Variants in RIN2 observed in about 807,000 individuals in gnomAD.
RIN2 encodes RAB5 interacting protein 2.
Under a neutral mutation model 78.0 loss-of-function variants are expected in RIN2, and 36 were observed. The ratio of observed to expected loss-of-function variants is 0.46; its 90% CI spans 0.35 to 0.61. The LOEUF is 0.61. Among genes scored for constraint, RIN2 ranks in the 20% least tolerant of loss-of-function variants. The probability of loss-of-function intolerance (pLI) is 0.00; values close to 1 mark genes in which losing one functional copy is unlikely to be tolerated. For synonymous variants in RIN2, 466 were observed against 466.8 expected, an observed-to-expected ratio of 1.00 and a Z score of 0.02; for missense variants, 1,087 against 1,159.7, an observed-to-expected ratio of 0.94 and a Z score of 0.91.
rs138601600 is a variant in RIN2, at chr20:19,899,925, C to A, written c.57+10267C>A. 8.5e-5 allele frequency among the ~76,000 whole-genome samples: 13 copies of A among 152,192 alleles called. 1 individual carries two copies. The East Asian group carries it at 2.5e-3, about 29-fold the overall frequency. Reference sequence around the variant, plus strand: ...CTTACACTGGGAACATCTTAGGGAGCGCAACATAGAAAAACAGCTCAGTCA... The same window carrying A: ...CTTACACTGGGAACATCTTAGGGAGAGCAACATAGAAAAACAGCTCAGTCA... On this transcript the variant is annotated intron_variant, in intron 3 of 12. Transcript: ENST00000255006.
chr20:19,913,502 G>T (rs2039560473), intron 3 of RIN2, among the ~76,000 whole-genome samples: 1 of 152,090 alleles, frequency 6.6e-6, no homozygotes, highest in Non-Finnish European at 1.5e-5. Context: ...CATTCATATT[G>T]TTGTGCAACC....
At chr20:19,983,103 A>G (rs2042511990) in intron 9 of RIN2, among the ~76,000 whole-genome samples, 2 of 152,182 alleles carry the variant, frequency 1.3e-5, no homozygotes, top group African/African-American at 4.8e-5. Flanking sequence ...GGGATTATGC[A>G]CCCATTTTAG....
chr20:19,796,130 A>G (rs1261608376), intron 1 of RIN2, among the ~76,000 whole-genome samples: 1 of 152,206 alleles, frequency 6.6e-6, no homozygotes, highest in African/African-American at 2.4e-5. Flanking sequence ...GCAAAGTGTA[A>G]CACACACAGG....
intron 4 of RIN2, chr20:19,935,522 A>T: frequency 9.2e-7 from 1 of 1,082,316 alleles, no homozygotes; most frequent in Non-Finnish European, 1.1e-6. Context: ...CAGCGTGTGC[A>T]AAGTAGAATT....
intron 9 of RIN2, among the ~76,000 whole-genome samples, chr20:19,976,070 T>C (rs2042270847): frequency 6.6e-6 from 1 of 152,208 alleles, no homozygotes; most frequent in Non-Finnish European, 1.5e-5. Flanking sequence ...TGGTAACGTG[T>C]GTGTGTTACA....
At chr20:19,869,164 C>T (rs897268162) in intron 2 of RIN2, among the ~76,000 whole-genome samples, 3 of 151,150 alleles carry the variant, frequency 2.0e-5, no homozygotes, top group Non-Finnish European at 4.4e-5. Flanking sequence ...CAGAAACACG[C>T]AGGGTGGATG....
At chr20:19,944,063 A>T (rs2040990596) in intron 4 of RIN2, among the ~76,000 whole-genome samples, 1 of 144,050 alleles carries the variant, frequency 6.9e-6, no homozygotes, top group Non-Finnish European at 1.5e-5. Context: ...TTATGTCTGA[A>T]GGTGTTAAGA....
In RIN2 at chr20:19,874,461, CA is replaced by C. The variant is rs200378862; in HGVS notation, c.-36-15102del. ...TGAAGTACAACAATTGATTGTGGCT[CA>C]AAGAAAGACAGTGAAAGGTGGAGCT... is the stretch of plus-strand genomic sequence containing the variant. On this transcript the variant is annotated intron_variant, in intron 2 of 12. Coordinates refer to ENST00000255006, the MANE Select transcript of RIN2 (RefSeq NM_018993.4). Among the ~76,000 whole-genome samples, 452 of 152,264 alleles carry C rather than the reference CA, an allele frequency of 3.0e-3. 11 individuals are homozygous for C. The highest frequency in any genetic ancestry group is 0.029 in the Admixed American group (438 of 15,270).
chr20:19,776,255 C>T (rs2034306300), intron 1 of RIN2, among the ~76,000 whole-genome samples: 1 of 152,190 alleles, frequency 6.6e-6, no homozygotes, highest in Non-Finnish European at 1.5e-5. Flanking sequence ...TTAACATCAA[C>T]ACAGAAACCT....
intron 1 of RIN2, among the ~76,000 whole-genome samples, chr20:19,775,317 G>T (rs138837947): frequency 6.6e-6 from 1 of 152,194 alleles, no homozygotes; most frequent in African/African-American, 2.4e-5. Context: ...CTGTGAAAAC[G>T]TGGCAGTGCA....
At chr20:19,908,744 C>T (rs1294287452) in intron 3 of RIN2, among the ~76,000 whole-genome samples, 3 of 152,132 alleles carry the variant, frequency 2.0e-5, no homozygotes, top group Admixed American at 1.3e-4. Flanking sequence ...AGTTGGCGGC[C>T]CTCCTTCCAT....
intron 1 of RIN2, among the ~76,000 whole-genome samples, chr20:19,760,846 C>T (rs1047516695): frequency 7.2e-5 from 11 of 152,140 alleles, no homozygotes; most frequent in Admixed American, 1.3e-4. Context: ...CTCCTTTCCC[C>T]AGTAAGACAC....
intron 2 of RIN2, among the ~76,000 whole-genome samples, chr20:19,867,572 T>C (rs756530618): frequency 3.3e-5 from 5 of 152,216 alleles, no homozygotes; most frequent in Non-Finnish European, 5.9e-5. Flanking sequence ...AGGCCAATCA[T>C]TTTTGTAGAG....
intron 3 of RIN2, among the ~76,000 whole-genome samples, chr20:19,914,184 T>A (rs1185066636): frequency 3.3e-5 from 5 of 152,226 alleles, no homozygotes; most frequent in African/African-American, 1.2e-4. Flanking sequence ...ACTACTGTCT[T>A]TAACCACTCA....
intron 2 of RIN2, among the ~76,000 whole-genome samples, chr20:19,803,853 T>G (rs1240664858): frequency 6.6e-6 from 1 of 152,246 alleles, no homozygotes; most frequent in East Asian, 1.9e-4. Flanking sequence ...TCCATTTGTT[T>G]GAGTCATCTC....
chr20:19,788,436 A>AC (rs2034763895), intron 1 of RIN2, among the ~76,000 whole-genome samples: 1 of 141,730 alleles, frequency 7.1e-6, no homozygotes, highest in African/African-American at 2.8e-5. Flanking sequence ...CTCTGCCAAA[A>AC]AAAAAAAAAA....
chr20:19,938,987 C>T (rs1391331288), intron 4 of RIN2, among the ~76,000 whole-genome samples: 1 of 152,154 alleles, frequency 6.6e-6, no homozygotes, highest in Admixed American at 6.5e-5. Flanking sequence ...ATCAATGGTG[C>T]CTCTATTCCT....
At chr20:19,874,490 C>A (rs896062307) in intron 2 of RIN2, among the ~76,000 whole-genome samples, 1 of 152,202 alleles carries the variant, frequency 6.6e-6, no homozygotes, top group Non-Finnish European at 1.5e-5. Flanking sequence ...GTGGAGCTAA[C>A]CCAGAAGGGT....
chr20:19,931,115 G>A (rs928397524), intron 3 of RIN2, among the ~76,000 whole-genome samples: 2 of 151,996 alleles, frequency 1.3e-5, no homozygotes, highest in African/African-American at 4.8e-5. Flanking sequence ...AATCTCACAC[G>A]TGACCGAGCC....
Sources: allele counts gnomAD v4.1 joint callset (sites outside exome capture counted in the v4.1 genomes callset), GRCh38; gene constraint gnomAD v4.1.1; transcripts MANE v1.5; gene names NCBI Gene and HGNC (gene_info 2026-07-23, HGNC 2026-07-21).